CLNS1A: variants seen among roughly 807,000 people sequenced by gnomAD.
CLNS1A encodes the protein chloride nucleotide-sensitive channel 1A.
A neutral mutation model predicts 29.4 loss-of-function variants in CLNS1A; 16 were observed. The observed-to-expected ratio is 0.54, with a 90% CI of 0.37 to 0.83. The LOEUF (loss-of-function observed/expected upper bound fraction) is 0.83. Ranked by LOEUF, CLNS1A falls within the 40% of genes least tolerant of loss-of-function variation. CLNS1A has a pLI of 0.00. For missense variants in CLNS1A, 235 were observed against 287.4 expected, an observed-to-expected ratio of 0.82 and a Z score of 1.32; for synonymous variants, 96 against 104.8, an observed-to-expected ratio of 0.92 and a Z score of 0.51.
chr11:77,629,371 T>C (rs2135772595), intron 2 of CLNS1A, among the ~76,000 whole-genome samples: 1 of 152,204 alleles, frequency 6.6e-6, no homozygotes, highest in African/African-American at 2.4e-5. Context: ...CAATGTTACA[T>C]TGATTATTAT....
intron 2 of CLNS1A, among the ~76,000 whole-genome samples, 178 bp downstream of exon 2, chr11:77,629,585 G>C (rs929614254): frequency 6.6e-6 from 1 of 151,962 alleles, no homozygotes; most frequent in Non-Finnish European, 1.5e-5. Flanking sequence ...TAGTAGAGAC[G>C]GGTTTTCACC....
intron 1 of CLNS1A, among the ~76,000 whole-genome samples, chr11:77,637,327 GA>G (rs1959141438): frequency 2.0e-5 from 2 of 101,842 alleles, no homozygotes; most frequent in South Asian, 2.9e-4. Flanking sequence ...GAAAGAGAAA[GA>G]GGAAAAAAAG....
At position 77,631,332 on chromosome 11, in the gene CLNS1A, TTTTTTTTTAGACAGAG is replaced by T. The variant is rs1959071499; in HGVS notation, c.126-1449_126-1434del. Among the ~76,000 whole-genome samples, 3 of 152,084 alleles carry T rather than the reference TTTTTTTTTAGACAGAG, an allele frequency of 2.0e-5. No homozygotes were observed. In the South Asian group the frequency reaches 6.2e-4, roughly 32 times the overall value. On this transcript the variant is annotated intron_variant, in intron 1 of 6. Coordinates refer to ENST00000525428, the MANE Select transcript of CLNS1A (RefSeq NM_001293.3). Reference sequence around the variant, plus strand: ...ACTTACGTAATTGTATACTTTTTTTTTTTTTTTTAGACAGAGTCTCGGTCTGTCGCCCAGGCTGGAG... The same window carrying T: ...ACTTACGTAATTGTATACTTTTTTTTTCTCGGTCTGTCGCCCAGGCTGGAG...
chr11:77,627,027 T>G, intron 2 of CLNS1A, among the ~76,000 whole-genome samples: 1 of 146,866 alleles, frequency 6.8e-6, no homozygotes. Context: ...CTTACAGAGG[T>G]ATGCCAAAGA....
intron 6 of CLNS1A, among the ~76,000 whole-genome samples, chr11:77,617,571 G>A (rs899976032): frequency 2.0e-4 from 30 of 151,208 alleles, no homozygotes; most frequent in African/African-American, 3.4e-4. Context: ...GACATTGTTC[G>A]GAATTCAGAT....
chr11:77,628,899 G>GA (rs1959047287), intron 2 of CLNS1A, among the ~76,000 whole-genome samples: 1 of 152,124 alleles, frequency 6.6e-6, no homozygotes, highest in South Asian at 2.1e-4. Context: ...TGTTGTGGGG[G>GA]ACCATCTGTG....
chr11:77,618,679 G>C (rs1213764398), intron 6 of CLNS1A: 1 of 152,128 alleles, frequency 6.6e-6, no homozygotes, highest in East Asian at 1.9e-4. Context: ...AACTTTAAAA[G>C]GCTGGTTTCT....
At chr11:77,635,428 T>A (rs1202597863) in intron 1 of CLNS1A, among the ~76,000 whole-genome samples, 1 of 151,456 alleles carries the variant, frequency 6.6e-6, no homozygotes, top group Non-Finnish European at 1.5e-5. Context: ...CTCGGCTTAC[T>A]ACAACCTCCG....
rs1959150170 is a variant in CLNS1A, at chr11:77,637,778, C to T, written c.-64G>A. On this transcript the variant is annotated 5_prime_UTR_variant, in exon 1 of 7. Coordinates refer to ENST00000525428, the MANE Select transcript of CLNS1A (RefSeq NM_001293.3). ...GAGCACAGCAATGCGTGCACCACAC[C>T]GCCCGCCCTGGAAGAGGCAGTCACC... 1 of 1,484,222 alleles carries T rather than the reference C, an allele frequency of 6.7e-7. No individual in the cohort carries two copies. Among genetic ancestry groups the T allele is most frequent in the Non-Finnish European group, 9.0e-7 (1 of 1,110,044 alleles). 91.9% of individuals were successfully genotyped at this position (1,484,222 alleles called of 1,614,324 possible). A position where few individuals can be genotyped will look rare whatever the true frequency, so the allele number is the denominator to read the frequency against.
At chr11:77,629,113 GAGA>G (rs1483792300) in intron 2 of CLNS1A, among the ~76,000 whole-genome samples, 1 of 152,104 alleles carries the variant, frequency 6.6e-6, no homozygotes, top group African/African-American at 2.4e-5. Flanking sequence ...CTTAAATTAT[GAGA>G]AGCACAGGGT....
chr11:77,637,243 T>TAAA lies in CLNS1A; in HGVS notation c.125+344_125+346dup, dbSNP rs747109219. Among the ~76,000 whole-genome samples, 15 of 43,152 alleles carry TAAA rather than the reference T, an allele frequency of 3.5e-4. 1 individual carries two copies. Among genetic ancestry groups the TAAA allele is most frequent in the African/African-American group, 1.1e-3 (8 of 7,030 alleles). 28.3% of individuals were successfully genotyped at this position (43,152 alleles called of 152,430 possible). A position where few individuals can be genotyped will look rare whatever the true frequency, so the allele number is the denominator to read the frequency against. On this transcript the variant is annotated intron_variant, in intron 1 of 6. Transcript: ENST00000525428. Reference sequence around the variant, plus strand: ...CCAGACCTCCAGTAAATAGGCGAGTTAAAAAAAAAAAAAAAAGAAAATAAA... The same window carrying TAAA: ...CCAGACCTCCAGTAAATAGGCGAGTTAAAAAAAAAAAAAAAAAAAGAAAATAAA...
chr11:77,620,172 A>C, intron 5 of CLNS1A, among the ~76,000 whole-genome samples: 1 of 152,172 alleles, frequency 6.6e-6, no homozygotes, highest in East Asian at 1.9e-4. Context: ...TCCCTACCCA[A>C]ATTTCATCTT....
At chr11:77,630,148 A>G (rs1322925561) in intron 1 of CLNS1A, among the ~76,000 whole-genome samples, 1 of 152,174 alleles carries the variant, frequency 6.6e-6, no homozygotes, top group African/African-American at 2.4e-5. Context: ...TTCCTCAGTC[A>G]CATGTATGTT....
At chr11:77,625,147 T>C (rs995089220) in intron 3 of CLNS1A, 77 bp from the exon 4 acceptor site, 36 of 976,462 alleles carry the variant, frequency 3.7e-5, no homozygotes, top group Non-Finnish European at 5.2e-5. Context: ...ATTTAATGGG[T>C]ACACAAAACG....
chr11:77,621,646 GAAA>G lies in CLNS1A; in HGVS notation c.646+851_646+853del, dbSNP rs753992811. 9.2e-5 allele frequency among the ~76,000 whole-genome samples: 14 copies of G among 152,088 alleles called. No individual in the cohort carries two copies. In the South Asian group the frequency reaches 2.9e-3, roughly 32 times the overall value. On this transcript the variant is annotated intron_variant, in intron 5 of 6. Transcript: ENST00000525428. ...CAACAAGAGCGAAACTCCATCTTAA[GAAA>G]AAAAGAAGGGTGTGATAGTTAAATT...
chr11:77,626,201 C>A (rs1350136368), intron 2 of CLNS1A, among the ~76,000 whole-genome samples: 1 of 152,216 alleles, frequency 6.6e-6, no homozygotes, highest in Non-Finnish European at 1.5e-5. Flanking sequence ...ATCCTCCCAC[C>A]TCAGCCTACT....
At chr11:77,636,592 C>A (rs551095445) in intron 1 of CLNS1A, among the ~76,000 whole-genome samples, 1 of 152,184 alleles carries the variant, frequency 6.6e-6, no homozygotes, top group Non-Finnish European at 1.5e-5. Context: ...ACGACCTTCA[C>A]TTTCTGGTGT....
chr11:77,637,546 A>G, intron 1 of CLNS1A, 44 bp downstream of exon 1: 1 of 1,564,866 alleles, frequency 6.4e-7, no homozygotes, highest in Non-Finnish European at 8.7e-7. Context: ...AGCAAGGAGG[A>G]GGGCGGCGCG....
chr11:77,614,756 T>A lies in CLNS1A; in HGVS notation c.*1962A>T, dbSNP rs1958894508. The A allele has an allele frequency of 6.6e-6, 1 of 152,196 alleles. No individual in the cohort carries two copies. The highest frequency in any genetic ancestry group is 1.5e-5 in the Non-Finnish European group (1 of 68,034). The allele number at this position is 152,196 out of a possible 1,614,324, so 9.4% of individuals were successfully genotyped here. ...TGACTTACATTTTGGAGGGGAAATG[T>A]CTATGTACCTTTAAAGTGTCTCTAC... On this transcript the variant is annotated 3_prime_UTR_variant, in exon 7 of 7. Transcript: ENST00000525428.
Sources: allele counts gnomAD v4.1 joint callset (sites outside exome capture counted in the v4.1 genomes callset), GRCh38; gene constraint gnomAD v4.1.1; transcripts MANE v1.5; gene names NCBI Gene and HGNC (gene_info 2026-07-23, HGNC 2026-07-21).